CCDC73: variants seen among roughly 807,000 people sequenced by gnomAD.
The protein encoded by CCDC73 is coiled-coil domain-containing protein 73.
CCDC73 carries 95 observed loss-of-function variants against 116.5 expected under a neutral mutation model. That is an observed-to-expected ratio of 0.82 (90% CI 0.69 to 0.97). The LOEUF (loss-of-function observed/expected upper bound fraction) is 0.97, where lower values mean the gene tolerates loss of function less well. Among genes scored for constraint, CCDC73 ranks in the 50% least tolerant of loss-of-function variants. The probability of loss-of-function intolerance (pLI) is 0.00; values close to 1 mark genes in which losing one functional copy is unlikely to be tolerated. For missense variants in CCDC73, 1,066 were observed against 1,206.8 expected, an observed-to-expected ratio of 0.88 and a Z score of 1.73; for synonymous variants, 398 against 401.3, an observed-to-expected ratio of 0.99 and a Z score of 0.10.
At chr11:32,669,756 CCTCTAGTT>C (rs1489826823) in intron 9 of CCDC73, among the ~76,000 whole-genome samples, 2 of 152,126 alleles carry the variant, frequency 1.3e-5, no homozygotes, top group African/African-American at 4.8e-5. Context: ...AACATAATGA[CCTCTAGTT>C]CTATCCATGT....
intron 2 of CCDC73, among the ~76,000 whole-genome samples, chr11:32,754,487 C>CA (rs1301427993): frequency 1.3e-5 from 2 of 151,906 alleles, no homozygotes; most frequent in African/African-American, 4.8e-5. Context: ...GGGCAATACT[C>CA]AAAAAAACCA....
chr11:32,658,863 A>G (rs1304420856), intron 9 of CCDC73, among the ~76,000 whole-genome samples: 2 of 152,214 alleles, frequency 1.3e-5, no homozygotes, highest in African/African-American at 4.8e-5. Flanking sequence ...AGAGTGACTA[A>G]GTGAAACTGG....
At position 32,614,801 on chromosome 11, in the gene CCDC73, G is replaced by A. The variant is rs79335956; in HGVS notation, c.1517C>T (p.Thr506Met). 42 of 1,613,090 alleles carry A rather than the reference G, an allele frequency of 2.6e-5. No individual in the cohort carries two copies. Among genetic ancestry groups the A allele is most frequent in the African/African-American group, 8.0e-5 (6 of 74,868 alleles). ...TGTAGTAACTGATTTTCTGTTGTCC[G>A]TAACATTCGAGGTTTGTCCTTGACT... The part of the protein sequence containing the change: ...VISQGQTSNV[T>M]DNRKSVTTEI... Residue 506 changes from threonine (T) to methionine (M), a missense_variant, in exon 16 of 18, where the codon ACG becomes ATG. Transcript: ENST00000335185.
At chr11:32,622,562 C>T (rs928766050) in intron 14 of CCDC73, among the ~76,000 whole-genome samples, 1 of 151,146 alleles carries the variant, frequency 6.6e-6, no homozygotes, top group Admixed American at 6.6e-5. Flanking sequence ...CTAATGCATG[C>T]GGGGCTTAAA....
chr11:32,742,427 C>T lies in CCDC73; in HGVS notation c.135+17682G>A, dbSNP rs181980795. Among the ~76,000 whole-genome samples the T allele has an allele frequency of 2.5e-3, 377 of 152,212 alleles. 2 individuals carry two copies. Among genetic ancestry groups the T allele is most frequent in the Non-Finnish European group, 3.9e-3 (265 of 67,978 alleles). On this transcript the variant is annotated intron_variant, in intron 2 of 17. Transcript: ENST00000335185. ...ACCAGCAATGATGAGCATATTTTCA[C>T]AGGTCTCTTGGCTGCATAAATGTCT... is the stretch of plus-strand genomic sequence containing the variant.
At chr11:32,748,572 A>G (rs1234790243) in intron 2 of CCDC73, among the ~76,000 whole-genome samples, 1 of 152,092 alleles carries the variant, frequency 6.6e-6, no homozygotes, top group Non-Finnish European at 1.5e-5. Flanking sequence ...TTTCTACTTA[A>G]GATATAAGTA....
At chr11:32,754,323 C>T (rs578029156) in intron 2 of CCDC73, among the ~76,000 whole-genome samples, 14 of 151,976 alleles carry the variant, frequency 9.2e-5, no homozygotes, top group Admixed American at 7.9e-4. Context: ...TCTGAAGAGA[C>T]AATTAGAAAA....
At chr11:32,658,030 A>G (rs565060128) in intron 9 of CCDC73, among the ~76,000 whole-genome samples, 78 of 151,796 alleles carry the variant, frequency 5.1e-4, no homozygotes, top group African/African-American at 1.5e-3. Context: ...CTTTAAAAAA[A>G]AAAAAGAAAA....
intron 3 of CCDC73, among the ~76,000 whole-genome samples, chr11:32,710,180 C>T (rs1849887137): frequency 6.6e-6 from 1 of 152,030 alleles, no homozygotes; most frequent in Non-Finnish European, 1.5e-5. Context: ...TTTCTTGTTT[C>T]AATTTCACTT....
At chr11:32,697,123 C>T (rs1565078477) in intron 6 of CCDC73, among the ~76,000 whole-genome samples, 1 of 152,074 alleles carries the variant, frequency 6.6e-6, no homozygotes, top group Admixed American at 6.6e-5. Context: ...GCGTGAGCCA[C>T]CACACCTAGC....
chr11:32,655,485 G>A (rs1590571950), intron 9 of CCDC73, among the ~76,000 whole-genome samples: 1 of 152,162 alleles, frequency 6.6e-6, no homozygotes, highest in Admixed American at 6.5e-5. Flanking sequence ...GACAACAAAG[G>A]GGTAGGCATT....
chr11:32,640,873 C>T (rs563004420), intron 13 of CCDC73, among the ~76,000 whole-genome samples: 2 of 151,956 alleles, frequency 1.3e-5, no homozygotes, highest in South Asian at 2.1e-4. Flanking sequence ...AAAAATTAGC[C>T]GGGCGTGGTG....
chr11:32,615,062 A>G, intron 15 of CCDC73, 120 bp from the exon 16 acceptor site: 1 of 584,180 alleles, frequency 1.7e-6, no homozygotes. Flanking sequence ...ATGGGTCAAT[A>G]ATTATACAAA....
intron 2 of CCDC73, among the ~76,000 whole-genome samples, chr11:32,753,444 A>T (rs1031384629): frequency 6.6e-6 from 1 of 151,578 alleles, no homozygotes; most frequent in African/African-American, 2.4e-5. Flanking sequence ...ACAGGCATGC[A>T]TCACCACACC....
intron 12 of CCDC73, among the ~76,000 whole-genome samples, chr11:32,644,948 G>A (rs1417565923): frequency 6.6e-6 from 1 of 152,066 alleles, no homozygotes; most frequent in Admixed American, 6.6e-5. Context: ...CTCTTTTACC[G>A]CTGAGTAATC....
intron 2 of CCDC73, among the ~76,000 whole-genome samples, chr11:32,738,171 C>T (rs114784137): frequency 1.2e-3 from 181 of 152,308 alleles, no homozygotes; most frequent in African/African-American, 4.2e-3. Flanking sequence ...CACGGGAGTA[C>T]AGATATCTCT....
At chr11:32,630,727 G>A (rs1034114710) in intron 14 of CCDC73, among the ~76,000 whole-genome samples, 2 of 151,878 alleles carry the variant, frequency 1.3e-5, no homozygotes, top group Admixed American at 6.6e-5. Flanking sequence ...ACATAAAAAT[G>A]GTTAAAATAG....
chr11:32,687,909 T>C (rs555088851), intron 6 of CCDC73, among the ~76,000 whole-genome samples: 7 of 152,262 alleles, frequency 4.6e-5, no homozygotes, highest in East Asian at 1.9e-4. Context: ...GAAAGAATGA[T>C]GAAGACATGT....
rs376540936 is a variant in CCDC73 at position 32,793,413 on chromosome 11, A to G, written c.-16+1200T>C. On this transcript the variant is annotated intron_variant, in intron 1 of 17. Coordinates refer to ENST00000335185, the MANE Select transcript of CCDC73 (RefSeq NM_001008391.4). Reference sequence around the variant, plus strand: ...ACAAAGAGAGCCATAGGAATTTATCACAACTAAAGCAAAATAACCAATAAT... The same window carrying G: ...ACAAAGAGAGCCATAGGAATTTATCGCAACTAAAGCAAAATAACCAATAAT... Among the ~76,000 whole-genome samples the G allele has an allele frequency of 3.3e-5, 5 of 152,278 alleles. No homozygotes were observed. In the East Asian group the frequency reaches 5.8e-4, roughly 18 times the overall value.
Sources: allele counts gnomAD v4.1 joint callset (sites outside exome capture counted in the v4.1 genomes callset), GRCh38; gene constraint gnomAD v4.1.1; transcripts MANE v1.5; gene names NCBI Gene and HGNC (gene_info 2026-07-23, HGNC 2026-07-21).